PTBP3: variants seen among roughly 807,000 people sequenced by gnomAD.
The protein encoded by PTBP3 is polypyrimidine tract-binding protein 3.
In PTBP3, 20 loss-of-function variants were observed where a neutral mutation model predicts 58.7. The ratio of observed to expected loss-of-function variants is 0.34; its 90% CI spans 0.24 to 0.50. The LOEUF is 0.50. PTBP3 is among the 20% of genes least tolerant of loss of function. The probability of loss-of-function intolerance (pLI) is 0.98; values close to 1 mark genes in which losing one functional copy is unlikely to be tolerated. For missense variants in PTBP3, 509 were observed against 637.2 expected (o/e 0.80, Z 2.17); for synonymous variants, 185 against 219.8 (o/e 0.84, Z 1.40).
At chr9:112,332,843 T>C (rs995547273) in intron 1 of PTBP3, 38 of 1,612,394 alleles carry the variant, frequency 2.4e-5, no homozygotes, top group Non-Finnish European at 3.1e-5. Context: ...GAAGCGTCCA[T>C]GGTCACTAAG....
chr9:112,297,211 T>A (rs1244556939), intron 2 of PTBP3, among the ~76,000 whole-genome samples: 1 of 152,172 alleles, frequency 6.6e-6, no homozygotes, highest in East Asian at 1.9e-4. Flanking sequence ...TCAAGTTTTG[T>A]TTTTTGTTTT....
rs555685921 is a variant in PTBP3, at chr9:112,280,428, T to C, written c.35-4415A>G. On this transcript the variant is annotated intron_variant, in intron 2 of 13. Transcript: ENST00000374257. ...GATTTTCTGTCTGCAAAATGTTGAA[T>C]AGAATCAATAAGACTAGGCATCCTT... is the stretch of plus-strand genomic sequence containing the variant. 4.5e-4 allele frequency among the ~76,000 whole-genome samples: 68 copies of C among 152,286 alleles called. 1 individual carries two copies. The highest frequency in any genetic ancestry group is 1.4e-3 in the African/African-American group (57 of 41,564).
intron 1 of PTBP3, among the ~76,000 whole-genome samples, chr9:112,330,642 T>C (rs1178875094): frequency 1.3e-5 from 2 of 152,158 alleles, no homozygotes; most frequent in Admixed American, 6.5e-5. Context: ...GATGAGACAG[T>C]CTAGCAACAG....
chr9:112,269,395 TCTC>T (rs1163223568), intron 3 of PTBP3, among the ~76,000 whole-genome samples: 1 of 152,094 alleles, frequency 6.6e-6, no homozygotes, highest in Admixed American at 6.5e-5. Flanking sequence ...AATGGTTTAT[TCTC>T]CTTTTACCCT....
At position 112,310,628 on chromosome 9, in the gene PTBP3, T is replaced by C. The variant is rs1215564302; in HGVS notation, c.-51-12712A>G. On this transcript the variant is annotated intron_variant, in intron 1 of 13. Transcript: ENST00000374257. ...CTTACCTTAATGGAGCTTACAATCT[T>C]GCACAAAGAAACATAATAATCAAAG... 2.0e-5 allele frequency among the ~76,000 whole-genome samples: 3 copies of C among 152,212 alleles called. No homozygotes were observed. In the East Asian group the frequency reaches 5.8e-4, roughly 29 times the overall value.
At chr9:112,236,555 CAA>C (rs1835445213) in intron 7 of PTBP3, among the ~76,000 whole-genome samples, 1 of 152,112 alleles carries the variant, frequency 6.6e-6, no homozygotes, top group Non-Finnish European at 1.5e-5. Context: ...AGGCTAAAAA[CAA>C]AGTTAAACAA....
At position 112,333,593 on chromosome 9, in the gene PTBP3, C is replaced by T; in HGVS notation, c.-175G>A. ...AAGCGAGCTTTGGCTCTGCGGAGCC[C>T]CGGCCGGTCCGAGGTGGAAGGAGAG... is the stretch of plus-strand genomic sequence containing the variant. On this transcript the variant is annotated 5_prime_UTR_variant, in exon 1 of 14. Coordinates refer to ENST00000374257, the MANE Select transcript of PTBP3 (RefSeq NM_001163788.4). 3 of 1,298,322 alleles carry T rather than the reference C, an allele frequency of 2.3e-6. No individual in the cohort carries two copies. The highest frequency in any genetic ancestry group is 3.3e-6 in the Non-Finnish European group (3 of 922,466). 80.4% of individuals were successfully genotyped at this position (1,298,322 alleles called of 1,614,324 possible).
chr9:112,330,927 T>C (rs938462467), intron 1 of PTBP3, among the ~76,000 whole-genome samples: 9 of 152,152 alleles, frequency 5.9e-5, no homozygotes, highest in African/African-American at 2.2e-4. Context: ...CCACCCAAAA[T>C]TGCTCACCAA....
chr9:112,347,644 A>G, the PTBP3 span, among the ~76,000 whole-genome samples: 2 of 152,174 alleles, frequency 1.3e-5, no homozygotes, highest in Non-Finnish European at 2.9e-5. Context: ...TACCATTTTT[A>G]TAATGTTAAT....
chr9:112,278,986 T>C (rs1394862219), intron 2 of PTBP3, among the ~76,000 whole-genome samples: 1 of 152,216 alleles, frequency 6.6e-6, no homozygotes, highest in African/African-American at 2.4e-5. Flanking sequence ...TTGCACTTGA[T>C]GTCCTTATTT....
Position 112,262,613 on chromosome 9 carries a change from CA to C in PTBP3, c.352-15del. On this transcript the variant is annotated splice_polypyrimidine_tract_variant and intron_variant, in intron 4 of 13. Transcript: ENST00000374257. ...AGCTTGGGCTCGCTATAGAACAACC[CA>C]AAATGAGAACTTTTGATTATACAGA... 1.3e-6 allele frequency: 2 copies of C among 1,532,652 alleles called. No homozygotes were observed. The highest frequency in any genetic ancestry group is 8.8e-7 in the Non-Finnish European group (1 of 1,142,034). 94.9% of individuals were successfully genotyped at this position (1,532,652 alleles called of 1,614,324 possible).
chr9:112,291,800 T>C (rs1828443003), intron 2 of PTBP3, among the ~76,000 whole-genome samples: 1 of 152,180 alleles, frequency 6.6e-6, no homozygotes, highest in South Asian at 2.1e-4. Context: ...TTCATGACAG[T>C]GGATTTGGCA....
At chr9:112,229,741 G>GT in intron 10 of PTBP3, among the ~76,000 whole-genome samples, 1 of 152,234 alleles carries the variant, frequency 6.6e-6, no homozygotes, top group African/African-American at 2.4e-5. Flanking sequence ...AAATGTGGGT[G>GT]TTTATTTTTT....
rs1834811539 is a variant in PTBP3, at chr9:112,221,633, A to G, written c.*2218T>C. Reference sequence around the variant, plus strand: ...TTGTGTCTAGGTCAAAACTTATTTCATAAGTAAAAAAACAAAAAACTAAAA... The same window carrying G: ...TTGTGTCTAGGTCAAAACTTATTTCGTAAGTAAAAAAACAAAAAACTAAAA... On this transcript the variant is annotated 3_prime_UTR_variant, in exon 14 of 14. Coordinates refer to ENST00000374257, the MANE Select transcript of PTBP3 (RefSeq NM_001163788.4). 2 of 985,172 alleles carry G rather than the reference A, an allele frequency of 2.0e-6. No individual in the cohort carries two copies. Among genetic ancestry groups the G allele is most frequent in the Non-Finnish European group, 1.2e-6 (1 of 829,838 alleles). 61.0% of individuals were successfully genotyped at this position (985,172 alleles called of 1,614,324 possible).
chr9:112,278,254 T>C (rs1827710642), intron 2 of PTBP3, among the ~76,000 whole-genome samples: 1 of 152,130 alleles, frequency 6.6e-6, no homozygotes, highest in Non-Finnish European at 1.5e-5. Context: ...GGATTGAGAA[T>C]AACAAATGAT....
chr9:112,227,717 T>A, intron 11 of PTBP3, 90 bp from the exon 12 acceptor site: 1 of 1,019,822 alleles, frequency 9.8e-7, no homozygotes, highest in Non-Finnish European at 1.5e-6. Flanking sequence ...TATTTTTATG[T>A]AGTTATTTAA....
the PTBP3 span, among the ~76,000 whole-genome samples, chr9:112,370,829 A>G: frequency 1.3e-5 from 2 of 152,164 alleles, no homozygotes; most frequent in Admixed American, 1.3e-4. Flanking sequence ...TAGTTTTTGT[A>G]TAAATCTTGC....
Position 112,244,289 on chromosome 9 carries a change from C to CAAAAAAAAAAAAAAAAAAAAAAAAA in PTBP3, c.802+6639_802+6640insTTTTTTTTTTTTTTTTTTTTTTTTT. ...TGGGCAACAGAGTGAGACTCTGTCT[C>CAAAAAAAAAAAAAAAAAAAAAAAAA]AAAAAAAAAAAAAAAAAAGTTCTCA... On this transcript the variant is annotated intron_variant, in intron 7 of 13. Transcript: ENST00000374257. 2.6e-3 allele frequency among the ~76,000 whole-genome samples: 95 copies of CAAAAAAAAAAAAAAAAAAAAAAAAA among 36,244 alleles called. 6 individuals carry two copies. Among genetic ancestry groups the CAAAAAAAAAAAAAAAAAAAAAAAAA allele is most frequent in the South Asian group, 3.7e-3 (2 of 536 alleles). 23.8% of individuals were successfully genotyped at this position (36,244 alleles called of 152,430 possible). A position where few individuals can be genotyped will look rare whatever the true frequency, so the allele number is the denominator to read the frequency against.
intron 1 of PTBP3, among the ~76,000 whole-genome samples, chr9:112,305,163 T>C (rs1375476919): frequency 6.6e-6 from 1 of 152,182 alleles, no homozygotes; most frequent in Non-Finnish European, 1.5e-5. Context: ...ACAGTTTGTG[T>C]AGTAAAAAAC....
Sources: allele counts gnomAD v4.1 joint callset (sites outside exome capture counted in the v4.1 genomes callset), GRCh38; gene constraint gnomAD v4.1.1; transcripts MANE v1.5; gene names NCBI Gene and HGNC (gene_info 2026-07-23, HGNC 2026-07-21).